XIRP2: variants seen among roughly 807,000 people sequenced by gnomAD.
XIRP2 encodes xin actin-binding repeat-containing protein 2.
XIRP2 carries 236 observed loss-of-function variants against 277.0 expected under a neutral mutation model. The ratio of observed to expected loss-of-function variants is 0.85; its 90% CI spans 0.77 to 0.95. XIRP2 has a LOEUF of 0.95. Among genes scored for constraint, XIRP2 ranks in the 40% least tolerant of loss-of-function variants. The probability of loss-of-function intolerance (pLI) is 0.00; values close to 1 mark genes in which losing one functional copy is unlikely to be tolerated. For missense variants in XIRP2, 4,640 were observed against 4,157.5 expected, an observed-to-expected ratio of 1.12 and a Z score of -3.19; for synonymous variants, 1,490 against 1,416.5, an observed-to-expected ratio of 1.05 and a Z score of -1.17.
At position 167,243,231 on chromosome 2, in the gene XIRP2, T is replaced by C. The variant is rs747067685; in HGVS notation, c.1839T>C (p.Asp613=). The part of the protein sequence containing the change: ...IADQEIIAGG[D]VKYTTWMFET... ...ATCAAGAAATCATTGCTGGTGGTGA[T>C]GTGAAATATACCACATGGATGTTTG... The change falls in exon 9 of 11, where the codon GAT becomes GAC. Residue 613 remains aspartate, a synonymous_variant. Transcript: ENST00000409195. The C allele has an allele frequency of 1.9e-6, 3 of 1,614,088 alleles. No individual in the cohort carries two copies. The highest frequency in any genetic ancestry group is 1.7e-6 in the Non-Finnish European group (2 of 1,179,958).
chr2:166,974,004 CAG>C (rs1167346025), intron 2 of XIRP2, among the ~76,000 whole-genome samples: 2 of 152,146 alleles, frequency 1.3e-5, no homozygotes, highest in Non-Finnish European at 2.9e-5. Context: ...AAATCAATGT[CAG>C]ATAAAATTTA....
At chr2:167,212,118 A>T (rs1694063136) in intron 4 of XIRP2, among the ~76,000 whole-genome samples, 1 of 152,236 alleles carries the variant, frequency 6.6e-6, no homozygotes, top group African/African-American at 2.4e-5. Flanking sequence ...GTTTTCACAT[A>T]GTCATTAAAA....
chr2:166,913,319 C>G (rs201609968), intron 2 of XIRP2, among the ~76,000 whole-genome samples: 8 of 75,244 alleles, frequency 1.1e-4, no homozygotes, highest in African/African-American at 2.6e-4. Context: ...CACCCCCCCC[C>G]CCCAGCCTCG....
chr2:167,021,834 A>AT (rs1199766945), intron 2 of XIRP2, among the ~76,000 whole-genome samples: 3 of 152,018 alleles, frequency 2.0e-5, no homozygotes, highest in Non-Finnish European at 4.4e-5. Flanking sequence ...CAAAAATAAA[A>AT]TTTTTTTAAA....
At chr2:167,159,556 C>A (rs1043051921) in intron 3 of XIRP2, among the ~76,000 whole-genome samples, 4 of 152,132 alleles carry the variant, frequency 2.6e-5, no homozygotes, top group Non-Finnish European at 4.4e-5. Flanking sequence ...AACTTATAAT[C>A]TGGTCATTGA....
Position 167,249,690 on chromosome 2 carries a change from G to A in XIRP2, c.8298G>A (p.Leu2766=). 1.2e-6 allele frequency: 2 copies of A among 1,613,406 alleles called. No homozygotes were observed. Among genetic ancestry groups the A allele is most frequent in the Non-Finnish European group, 1.7e-6 (2 of 1,179,744 alleles). Residue 2766 remains leucine (L), a synonymous_variant, in exon 9 of 11, where the codon CTG becomes CTA. Transcript: ENST00000409195. ...ASTECSHKQS[L]AERHYQLPKK... is the part of the protein sequence containing the mutation. ...CTGAATGTAGTCATAAGCAATCTCTGGCTGAAAGACATTATCAGTTACCTA... is the reference window on the plus strand; with the variant it reads ...CTGAATGTAGTCATAAGCAATCTCTAGCTGAAAGACATTATCAGTTACCTA...
rs1489636402 is a variant in XIRP2, at chr2:167,258,204, A to G, written c.*387A>G. 6.2e-7 allele frequency: 1 copy of G among 1,612,924 alleles called. No individual in the cohort carries two copies. The highest frequency in any genetic ancestry group is 1.7e-5 in the Admixed American group (1 of 59,808). The stretch of plus-strand genomic sequence containing the variant: ...ATCCCTAAGAAAACCTTACCCTTTG[A>G]GGAAGAGCTCAAAATGAGTAAACCT... On this transcript the variant is annotated 3_prime_UTR_variant, in exon 11 of 11. Coordinates refer to ENST00000409195, the MANE Select transcript of XIRP2 (RefSeq NM_152381.6).
chr2:167,245,152 A>C lies in XIRP2; in HGVS notation c.3760A>C (p.Ser1254Arg), dbSNP rs781305326. Residue 1254 changes from serine (S) to arginine (R), a missense_variant, in exon 9 of 11, where the codon AGC becomes CGC. Coordinates refer to ENST00000409195, the MANE Select transcript of XIRP2 (RefSeq NM_152381.6). ...CCAACCAATTGATAAGATAAAAGAA[A>C]GCCAAGAAGGTGATGAATGTGTTAA... is the stretch of plus-strand genomic sequence containing the variant. ...ENQPIDKIKESQEGDECVKTV... is the reference protein window; with the variant it reads ...ENQPIDKIKERQEGDECVKTV... 3 of 1,613,032 alleles carry C rather than the reference A, an allele frequency of 1.9e-6. No individual in the cohort carries two copies. Among genetic ancestry groups the C allele is most frequent in the Non-Finnish European group, 2.5e-6 (3 of 1,179,592 alleles).
intron 2 of XIRP2, among the ~76,000 whole-genome samples, chr2:166,928,109 T>C (rs1685238188): frequency 6.6e-6 from 1 of 152,102 alleles, no homozygotes; most frequent in Non-Finnish European, 1.5e-5. Flanking sequence ...GAGAAGATAA[T>C]CCTTTTGCCT....
chr2:167,065,742 C>A (rs554153612), intron 2 of XIRP2, among the ~76,000 whole-genome samples: 57 of 151,918 alleles, frequency 3.8e-4, no homozygotes, highest in African/African-American at 1.2e-3. Context: ...GCCTAAAGAA[C>A]TTTCTGTAGC....
chr2:167,084,357 G>A (rs1689855236), intron 2 of XIRP2, among the ~76,000 whole-genome samples: 3 of 151,824 alleles, frequency 2.0e-5, no homozygotes, highest in Non-Finnish European at 4.4e-5. Flanking sequence ...ATTTTATTGA[G>A]GATTTTTGCA....
In XIRP2 at chr2:167,259,234, C is replaced by T. The variant is rs774630743; in HGVS notation, c.*1417C>T. The T allele has an allele frequency of 5.0e-6, 8 of 1,613,270 alleles. No individual in the cohort carries two copies. The highest frequency in any genetic ancestry group is 6.8e-6 in the Non-Finnish European group (8 of 1,179,610). ...CAGAAGCTGCCCGCAATAATGAAAA[C>T]ACAGGTTTTGATGCTCTGAGCCATG... On this transcript the variant is annotated 3_prime_UTR_variant, in exon 11 of 11. Coordinates refer to ENST00000409195, the MANE Select transcript of XIRP2 (RefSeq NM_152381.6).
In XIRP2 at chr2:167,248,754, A is replaced by G. The variant is rs1695369539; in HGVS notation, c.7362A>G (p.Glu2454=). ...TGGCAACCTCCCTGTCAGATATGGA[A>G]TGTAAAATTACTACCTCAAAGGATC... ...VELATSLSDM[E]CKITTSKDQK... is the part of the protein sequence containing the mutation. The change falls in exon 9 of 11, where the codon GAA becomes GAG. Residue 2454 remains glutamate, a synonymous_variant. Transcript: ENST00000409195. 6.2e-7 allele frequency: 1 copy of G among 1,613,630 alleles called. No homozygotes were observed. The highest frequency in any genetic ancestry group is 8.5e-7 in the Non-Finnish European group (1 of 1,179,800).
At chr2:166,975,416 A>C (rs1686683808) in intron 2 of XIRP2, among the ~76,000 whole-genome samples, 1 of 152,180 alleles carries the variant, frequency 6.6e-6, no homozygotes, top group Admixed American at 6.5e-5. Flanking sequence ...AATCTAAATA[A>C]ATCTCAAAAT....
At chr2:167,024,495 A>G (rs1408815503) in intron 2 of XIRP2, among the ~76,000 whole-genome samples, 1 of 152,052 alleles carries the variant, frequency 6.6e-6, no homozygotes, top group Non-Finnish European at 1.5e-5. Context: ...ACTATGTTGA[A>G]TAGGAGTGGT....
At chr2:167,116,240 A>G (rs1690893303) in intron 2 of XIRP2, among the ~76,000 whole-genome samples, 1 of 152,174 alleles carries the variant, frequency 6.6e-6, no homozygotes, top group African/African-American at 2.4e-5. Flanking sequence ...GGTGTTAAAA[A>G]TCTTGAAGTA....
At chr2:167,257,049 AG>A (rs2105456585) in intron 10 of XIRP2, among the ~76,000 whole-genome samples, 1 of 152,046 alleles carries the variant, frequency 6.6e-6, no homozygotes, top group South Asian at 2.1e-4. Flanking sequence ...ATCTCCTCAA[AG>A]TTTCAGCTGC....
intron 2 of XIRP2, among the ~76,000 whole-genome samples, chr2:166,910,792 C>A (rs1192814284): frequency 1.3e-5 from 2 of 152,128 alleles, no homozygotes; most frequent in African/African-American, 2.4e-5. Context: ...GAATGTGTCC[C>A]AGAGATTCTG....
At chr2:167,155,693 G>C (rs1216374617) in intron 3 of XIRP2, among the ~76,000 whole-genome samples, 1 of 151,776 alleles carries the variant, frequency 6.6e-6, no homozygotes, top group African/African-American at 2.4e-5. Flanking sequence ...GCACAAGACA[G>C]GGATGCCCTC....
Sources: allele counts gnomAD v4.1 joint callset (sites outside exome capture counted in the v4.1 genomes callset), GRCh38; gene constraint gnomAD v4.1.1; transcripts MANE v1.5; gene names NCBI Gene and HGNC (gene_info 2026-07-23, HGNC 2026-07-21).